Variants in TANGO6 observed in about 807,000 individuals in gnomAD.
The protein encoded by TANGO6 is transport and Golgi organization protein 6 homolog.
In TANGO6, 90 loss-of-function variants were observed where a neutral mutation model predicts 114.2. The observed-to-expected ratio is 0.79, with a 90% confidence interval of 0.66 to 0.94. TANGO6 has a LOEUF of 0.94. Ranked by LOEUF, TANGO6 falls within the 40% of genes least tolerant of loss-of-function variation. The probability of loss-of-function intolerance (pLI) is 0.00; values close to 1 mark genes in which losing one functional copy is unlikely to be tolerated. For missense variants in TANGO6, 1,274 were observed against 1,315.3 expected (o/e 0.97, Z 0.49); for synonymous variants, 477 against 509.8 (o/e 0.94, Z 0.87).
At chr16:68,858,433 T>A (rs74575145) in intron 1 of TANGO6, among the ~76,000 whole-genome samples, 2,233 of 152,340 alleles carry the variant, frequency 0.015, 50 homozygotes, top group African/African-American at 0.051. Context: ...ATTTTTGTCT[T>A]GTGACAGTTT....
rs61729744 is a variant in TANGO6, at chr16:68,927,673, C to T, written c.2233C>T (p.Arg745Cys). Reference sequence around the variant, plus strand: ...CATCCAAGAACTCGCTGTTGATCTCCGCATCACCATCTCTACCCATGGAGC... The same window carrying T: ...CATCCAAGAACTCGCTGTTGATCTCTGCATCACCATCTCTACCCATGGAGC... ...PVIQELAVDLRITISTHGAFA... is the reference protein window; with the variant it reads ...PVIQELAVDLCITISTHGAFA... The change falls in exon 13 of 18, where the codon CGC (arginine) becomes TGC (cysteine). Residue 745 changes from arginine (R) to cysteine (C), a missense_variant. Physicochemically the swap from Arg to Cys is radical, Grantham distance 180 (BLOSUM62 -3). Transcript: ENST00000261778. The T allele has an allele frequency of 8.6e-3, 13,860 of 1,613,956 alleles. 219 individuals carry two copies. Among genetic ancestry groups the T allele is most frequent in the African/African-American group, 0.062 (4,686 of 75,004 alleles).
At chr16:69,010,561 C>T (rs1318167244) in intron 15 of TANGO6, among the ~76,000 whole-genome samples, 2 of 152,154 alleles carry the variant, frequency 1.3e-5, no homozygotes, top group Admixed American at 6.5e-5. Flanking sequence ...CACCACCTTG[C>T]CTCTGCTGTC....
chr16:68,964,344 C>G (rs1963623396), intron 14 of TANGO6, among the ~76,000 whole-genome samples: 1 of 151,606 alleles, frequency 6.6e-6, no homozygotes, highest in Non-Finnish European at 1.5e-5. Context: ...AATAGAAAGT[C>G]TCTCTCTCTC....
chr16:68,922,403 G>A (rs1032889728), intron 12 of TANGO6, among the ~76,000 whole-genome samples: 1 of 152,104 alleles, frequency 6.6e-6, no homozygotes, highest in Non-Finnish European at 1.5e-5. Flanking sequence ...GGGCTTGGTG[G>A]CGCGTGCCTA....
At chr16:68,887,015 C>T (rs557473426) in intron 7 of TANGO6, among the ~76,000 whole-genome samples, 5 of 152,058 alleles carry the variant, frequency 3.3e-5, no homozygotes, top group Admixed American at 2.0e-4. Context: ...ACTATGTTGT[C>T]TAGGCTGGTC....
chr16:68,891,586 C>A (rs1363613867), intron 7 of TANGO6, among the ~76,000 whole-genome samples: 1 of 152,162 alleles, frequency 6.6e-6, no homozygotes, highest in Non-Finnish European at 1.5e-5. Flanking sequence ...TGATTCCACC[C>A]ACTTTTTTCT....
At chr16:68,927,464 T>A in intron 12 of TANGO6, 104 bp from the exon 13 acceptor site, 1 of 1,289,662 alleles carries the variant, frequency 7.8e-7, no homozygotes, top group Non-Finnish European at 1.1e-6. Context: ...ATGAGCAAGA[T>A]TTGATCCCTG....
At chr16:69,071,512 G>GT (rs772775566) in intron 17 of TANGO6, among the ~76,000 whole-genome samples, 44 of 152,092 alleles carry the variant, frequency 2.9e-4, no homozygotes, top group Admixed American at 7.2e-4. Context: ...CCAAGTTCCA[G>GT]TAGTAAAAAA....
At chr16:68,900,237 C>CA in intron 7 of TANGO6, 197 bp from the exon 8 acceptor site, 1 of 577,628 alleles carries the variant, frequency 1.7e-6, no homozygotes, top group Non-Finnish European at 3.1e-6. Context: ...TGCTCCAGTT[C>CA]ACTGTCTTGT....
chr16:69,066,320 C>T (rs541613921), intron 17 of TANGO6, among the ~76,000 whole-genome samples: 3 of 152,004 alleles, frequency 2.0e-5, no homozygotes, highest in East Asian at 1.9e-4. Context: ...TTTGAGATGG[C>T]GTCTCGCTCT....
At chr16:68,843,733 C>G (rs779738443) in intron 1 of TANGO6, 22 bp downstream of exon 1, 1 of 1,611,292 alleles carries the variant, frequency 6.2e-7, no homozygotes, top group Non-Finnish European at 8.5e-7. Flanking sequence ...CATCTCCGCG[C>G]CGGGCTGGAC....
chr16:68,859,232 G>T (rs377371622), intron 1 of TANGO6, among the ~76,000 whole-genome samples: 3 of 151,914 alleles, frequency 2.0e-5, no homozygotes, highest in African/African-American at 4.8e-5. Context: ...GTGCGGTGGC[G>T]CAGTCTCAGC....
Position 69,083,732 on chromosome 16 carries a change from G to T in TANGO6, c.*71G>T. ...AGAGCCGTGCCCAGGTCTTCCAGCAGGTGGCCCTGCTGCCTCTTGAGTGCT... is the reference window on the plus strand; with the variant it reads ...AGAGCCGTGCCCAGGTCTTCCAGCATGTGGCCCTGCTGCCTCTTGAGTGCT... On this transcript the variant is annotated 3_prime_UTR_variant, in exon 18 of 18. Coordinates refer to ENST00000261778, the MANE Select transcript of TANGO6 (RefSeq NM_024562.2). 6.7e-7 allele frequency: 1 copy of T among 1,490,642 alleles called. No homozygotes were observed. 92.3% of individuals were successfully genotyped at this position (1,490,642 alleles called of 1,614,324 possible). A position where few individuals can be genotyped will look rare whatever the true frequency, so the allele number is the denominator to read the frequency against.
intron 6 of TANGO6, 26 bp downstream of exon 6, chr16:68,878,306 G>T: frequency 6.4e-7 from 1 of 1,569,706 alleles, no homozygotes; most frequent in Non-Finnish European, 8.6e-7. Flanking sequence ...TGGTGGCTGT[G>T]TGTGCCTCTA....
chr16:69,009,072 C>CTTTTTTTTTTTTT (rs869092742), intron 15 of TANGO6, among the ~76,000 whole-genome samples: 1 of 77,678 alleles, frequency 1.3e-5, no homozygotes, highest in Non-Finnish European at 2.5e-5. Context: ...GAGTTTATTT[C>CTTTTTTTTTTTTT]TTTTTTTTTT....
intron 17 of TANGO6, among the ~76,000 whole-genome samples, chr16:69,081,792 C>T (rs1433032517): frequency 2.0e-5 from 3 of 151,356 alleles, no homozygotes; most frequent in Admixed American, 1.3e-4. Context: ...ACCATAAAAT[C>T]GGAGCATTGG....
At chr16:69,043,912 G>A (rs1320826782) in intron 17 of TANGO6, among the ~76,000 whole-genome samples, 4 of 152,180 alleles carry the variant, frequency 2.6e-5, no homozygotes, top group African/African-American at 7.2e-5. Context: ...TGTGGCAGCT[G>A]GAAAAGGAGG....
intron 14 of TANGO6, among the ~76,000 whole-genome samples, chr16:68,964,447 A>G (rs977177741): frequency 3.9e-5 from 6 of 151,964 alleles, no homozygotes; most frequent in East Asian, 1.9e-4. Flanking sequence ...CAATGAGTGT[A>G]TATTTCCCCT....
At chr16:68,992,801 G>A (rs1382868105) in intron 15 of TANGO6, among the ~76,000 whole-genome samples, 2 of 152,144 alleles carry the variant, frequency 1.3e-5, no homozygotes, top group Non-Finnish European at 2.9e-5. Flanking sequence ...GGGCACGGTG[G>A]CTCACACCTG....
Sources: gnomAD v4.1 joint callset for allele counts (sites outside exome capture counted in the v4.1 genomes callset) on GRCh38, gnomAD v4.1.1 for gene constraint, MANE v1.5 for transcripts, NCBI Gene and HGNC (gene_info 2026-07-23, HGNC 2026-07-21) for gene names.